SYNRG: variants seen among roughly 807,000 people sequenced by gnomAD.
SYNRG encodes synergin gamma.
SYNRG carries 37 observed loss-of-function variants against 130.9 expected under a neutral mutation model. The ratio of observed to expected loss-of-function variants is 0.28; its 90% CI spans 0.22 to 0.37. SYNRG has a LOEUF of 0.37. Among genes scored for constraint, SYNRG ranks in the 10% least tolerant of loss-of-function variants. The pLI is 1.00. For missense variants in SYNRG, 1,338 were observed against 1,588.9 expected (o/e 0.84, Z 2.68); for synonymous variants, 539 against 568.1 (o/e 0.95, Z 0.73).
chr17:37,604,101 G>A lies in SYNRG; in HGVS notation c.78-3698C>T, dbSNP rs572942403. 1.6e-4 allele frequency among the ~76,000 whole-genome samples: 25 copies of A among 152,126 alleles called. No homozygotes were observed. The South Asian group carries it at 4.8e-3, about 29-fold the overall frequency. ...ACTAAAAATATAAAATTAGCCTGGC[G>A]TGGTGGTGCGTGCCTGTAATCTCAG... On this transcript the variant is annotated intron_variant, in intron 1 of 21. Coordinates refer to ENST00000612223, the MANE Select transcript of SYNRG (RefSeq NM_007247.6).
chr17:37,527,783 C>G (rs1393445704), intron 19 of SYNRG, among the ~76,000 whole-genome samples: 1 of 152,104 alleles, frequency 6.6e-6, no homozygotes, highest in Non-Finnish European at 1.5e-5. Flanking sequence ...ATTTTTATAT[C>G]CAGAAATGGG....
intron 11 of SYNRG, among the ~76,000 whole-genome samples, chr17:37,565,082 G>A (rs1345907861): frequency 6.6e-6 from 1 of 152,074 alleles, no homozygotes; most frequent in Non-Finnish European, 1.5e-5. Context: ...TGGACAATAT[G>A]GTAAAACCCC....
At chr17:37,551,240 T>A (rs925708200) in intron 14 of SYNRG, among the ~76,000 whole-genome samples, 6 of 152,216 alleles carry the variant, frequency 3.9e-5, no homozygotes, top group African/African-American at 9.6e-5. Context: ...TTACTTTGAA[T>A]AAGTCCTTGC....
intron 19 of SYNRG, among the ~76,000 whole-genome samples, chr17:37,535,086 C>T (rs1053376286): frequency 6.6e-6 from 1 of 151,896 alleles, no homozygotes; most frequent in African/African-American, 2.4e-5. Context: ...AGCTGATAAA[C>T]GTTTACAAGC....
intron 13 of SYNRG, among the ~76,000 whole-genome samples, chr17:37,559,667 T>G (rs147228309): frequency 1.3e-5 from 2 of 152,200 alleles, no homozygotes; most frequent in African/African-American, 4.8e-5. Context: ...TCTAGCCTGG[T>G]TGACAAAAAT....
chr17:37,565,742 T>C (rs1239000951), intron 11 of SYNRG, among the ~76,000 whole-genome samples: 1 of 150,212 alleles, frequency 6.7e-6, no homozygotes, highest in African/African-American at 2.5e-5. Flanking sequence ...CGCGACCCTG[T>C]CTGGGAGGTG....
chr17:37,526,626 T>C (rs924272364), intron 19 of SYNRG, among the ~76,000 whole-genome samples: 1 of 152,202 alleles, frequency 6.6e-6, no homozygotes, highest in Admixed American at 6.5e-5. Flanking sequence ...TCTGTTTCCT[T>C]GCCTTTTCTA....
chr17:37,575,293 TAC>T (rs1380359921), intron 8 of SYNRG, among the ~76,000 whole-genome samples: 3 of 152,080 alleles, frequency 2.0e-5, no homozygotes, highest in Admixed American at 6.6e-5. Flanking sequence ...TAAAATAACT[TAC>T]AGAGTATAAT....
At position 37,586,405 on chromosome 17, in the gene SYNRG, T is replaced by C. The variant is rs1343479598; in HGVS notation, c.371+14A>G. On this transcript the variant is annotated intron_variant, in intron 4 of 21. Transcript: ENST00000612223. Reference sequence around the variant, plus strand: ...ATGTATCTTTGTTATCCTTTAATTCTGGTGATCTCTTACTGCTGCTCTTCG... The same window carrying C: ...ATGTATCTTTGTTATCCTTTAATTCCGGTGATCTCTTACTGCTGCTCTTCG... The C allele has an allele frequency of 2.5e-6, 4 of 1,613,742 alleles. No homozygotes were observed. The highest frequency in any genetic ancestry group is 2.7e-5 in the African/African-American group (2 of 74,938).
chr17:37,526,964 G>C (rs1271811021), intron 19 of SYNRG, among the ~76,000 whole-genome samples: 7 of 152,222 alleles, frequency 4.6e-5, no homozygotes, highest in African/African-American at 9.7e-5. Context: ...CAGCCATGCA[G>C]AGACATAGTA....
chr17:37,519,230 GAGA>G (rs922670008), intron 21 of SYNRG, among the ~76,000 whole-genome samples, 159 bp from the exon 22 acceptor site: 1 of 152,220 alleles, frequency 6.6e-6, no homozygotes, highest in African/African-American at 2.4e-5. Flanking sequence ...GAATTCAAGA[GAGA>G]AGGTTTTTTA....
intron 11 of SYNRG, among the ~76,000 whole-genome samples, chr17:37,565,702 T>C (rs1280633597): frequency 1.4e-5 from 2 of 144,972 alleles, no homozygotes; most frequent in African/African-American, 5.3e-5. Context: ...CGCCGCCCCA[T>C]CTGGGATGTG....
chr17:37,551,932 C>T (rs901222701), intron 14 of SYNRG, among the ~76,000 whole-genome samples: 3 of 151,230 alleles, frequency 2.0e-5, no homozygotes, highest in Non-Finnish European at 2.9e-5. Context: ...CTCTTCAGAC[C>T]GCCCACTGCA....
intron 11 of SYNRG, chr17:37,566,794 G>C (rs1275961040): frequency 6.6e-6 from 1 of 152,128 alleles, no homozygotes; most frequent in Non-Finnish European, 1.5e-5. Flanking sequence ...GTTTTGCTCA[G>C]AGAAATAAAC....
chr17:37,553,979 G>A lies in SYNRG; in HGVS notation c.1744C>T (p.Leu582=). The A allele has an allele frequency of 6.2e-7, 1 of 1,611,926 alleles. No homozygotes were observed. Among genetic ancestry groups the A allele is most frequent in the Non-Finnish European group, 8.5e-7 (1 of 1,179,608 alleles). The change falls in exon 14 of 22, where the codon CTA becomes TTA. Residue 582 remains leucine, a synonymous_variant. Coordinates refer to ENST00000612223, the MANE Select transcript of SYNRG (RefSeq NM_007247.6). ...GTTTTGTCTTTTGTTGGTGGCTCTA[G>A]TGGTGATACACTATCGGCTGTTTTA... ...DFKTADSVSP[L]EPPTKDKTFP...
intron 19 of SYNRG, among the ~76,000 whole-genome samples, chr17:37,531,740 T>C (rs1031399500): frequency 1.3e-5 from 2 of 151,742 alleles, no homozygotes; most frequent in African/African-American, 2.4e-5. Context: ...GATCACGTCA[T>C]TGTGCTCCAG....
rs2057837743 is a variant in SYNRG at position 37,542,350 on chromosome 17, T to C, written c.2824A>G (p.Thr942Ala). Residue 942 changes from threonine to alanine, a missense_variant, in exon 15 of 22, where the codon ACA (threonine) becomes GCA (alanine). Thr to Ala is a moderately conservative substitution (Grantham distance 58, BLOSUM62 0). Around this residue, in one of 3 missense-constraint regions of SYNRG, gnomAD observed 1,146 missense variants for 1,342.3 expected, o/e 0.85. Coordinates refer to ENST00000612223, the MANE Select transcript of SYNRG (RefSeq NM_007247.6). ...AAGGTCGTTACTTTGGAGAGAGATG[T>C]CATGGTGATGTTTTCAGAACTGCCA... Reference protein sequence around the residue: ...SFGSSENITMTSLSKVTTFVS... With the variant: ...SFGSSENITMASLSKVTTFVS... 2 of 1,614,098 alleles carry C rather than the reference T, an allele frequency of 1.2e-6. No homozygotes were observed. Among genetic ancestry groups the C allele is most frequent in the African/African-American group, 1.3e-5 (1 of 74,928 alleles).
Position 37,542,287 on chromosome 17 carries a change from C to G in SYNRG, c.2887G>C (p.Ala963Pro). 6.2e-7 allele frequency: 1 copy of G among 1,614,156 alleles called. No homozygotes were observed. The highest frequency in any genetic ancestry group is 1.7e-5 in the Admixed American group (1 of 60,008). The change falls in exon 15 of 22, where the codon GCT becomes CCT. Residue 963 changes from alanine (A) to proline (P), a missense_variant. By Grantham distance (27) the Ala-to-Pro change is conservative. Transcript: ENST00000612223. ...EDALPETTFPALASFKDTIPQ... is the reference protein window; with the variant it reads ...EDALPETTFPPLASFKDTIPQ... ...ATCGTGTCTTTAAAACTGGCAAGAG[C>G]TGGGAAGGTGGTCTCTGGAAGAGCA...
intron 18 of SYNRG, 119 bp downstream of exon 18, chr17:37,538,205 A>C (rs1459873711): frequency 2.8e-6 from 2 of 715,712 alleles, no homozygotes; most frequent in Non-Finnish European, 4.6e-6. Context: ...CCACAAATAC[A>C]GATGCTTCTT....
Sources: gnomAD v4.1 joint callset for allele counts (sites outside exome capture counted in the v4.1 genomes callset) on GRCh38, gnomAD v4.1.1 for gene constraint, gnomAD v4.1.1 regional missense constraint, MANE v1.5 for transcripts, NCBI Gene and HGNC (gene_info 2026-07-23, HGNC 2026-07-21) for gene names.